Variants in AXDND1 observed in about 807,000 individuals in gnomAD.
The protein encoded by AXDND1 is axonemal dynein light chain domain containing 1, also known as axonemal dynein light chain domain-containing protein 1.
Under a neutral mutation model 137.5 loss-of-function variants are expected in AXDND1, and 110 were observed. The ratio of observed to expected loss-of-function variants is 0.80; its 90% confidence interval spans 0.69 to 0.94. The LOEUF (loss-of-function observed/expected upper bound fraction) is 0.94. Ranked by LOEUF, AXDND1 falls within the 40% of genes least tolerant of loss-of-function variation. The pLI, the probability that AXDND1 is intolerant of heterozygous loss-of-function variation, is 0.00. For synonymous variants in AXDND1, 414 were observed against 399.7 expected (o/e 1.04, Z -0.43); for missense variants, 1,191 against 1,169.8 (o/e 1.02, Z -0.26).
chr1:179,477,070 T>C (rs919902370), intron 17 of AXDND1, among the ~76,000 whole-genome samples: 1 of 152,180 alleles, frequency 6.6e-6, no homozygotes, highest in African/African-American at 2.4e-5. Flanking sequence ...CTTCCATATA[T>C]TTATCTTCAA....
chr1:179,390,750 C>CTT (rs35768244), intron 9 of AXDND1, among the ~76,000 whole-genome samples: 40,607 of 150,280 alleles, frequency 0.27, 5,677 homozygotes, highest in Non-Finnish European at 0.31. Context: ...GCCTAGATTC[C>CTT]TTTTTTTTTC....
At chr1:179,482,321 G>A (rs1344545686) in intron 17 of AXDND1, among the ~76,000 whole-genome samples, 1 of 151,812 alleles carries the variant, frequency 6.6e-6, no homozygotes, top group East Asian at 1.9e-4. Context: ...AGACAATCAG[G>A]GACCCATGAT....
chr1:179,464,613 G>A (rs146656045), intron 16 of AXDND1, among the ~76,000 whole-genome samples: 9,556 of 152,060 alleles, frequency 0.063, 360 homozygotes, highest in African/African-American at 0.071. Flanking sequence ...TCTTCTCGAG[G>A]AGTATCTTTG....
chr1:179,551,156 A>G (rs1010653346), intron 25 of AXDND1: 19 of 1,613,504 alleles, frequency 1.2e-5, no homozygotes, highest in African/African-American at 6.7e-5. Flanking sequence ...TTACAGTCAC[A>G]TTATGCCCCA....
chr1:179,374,724 G>A (rs962239864), intron 4 of AXDND1, among the ~76,000 whole-genome samples: 2 of 150,578 alleles, frequency 1.3e-5, no homozygotes, highest in African/African-American at 2.4e-5. Flanking sequence ...CTATCACAAG[G>A]ACAGAAAACC....
At chr1:179,439,067 G>A (rs889048037) in intron 15 of AXDND1, among the ~76,000 whole-genome samples, 2 of 152,138 alleles carry the variant, frequency 1.3e-5, no homozygotes, top group African/African-American at 4.8e-5. Flanking sequence ...TTTGTGCTAT[G>A]ATTTCTGATT....
At chr1:179,526,746 G>T (rs1670568201) in intron 22 of AXDND1, among the ~76,000 whole-genome samples, 1 of 152,148 alleles carries the variant, frequency 6.6e-6, no homozygotes, top group Non-Finnish European at 1.5e-5. Context: ...AAAGTGCTTG[G>T]TATGTAGAAG....
At chr1:179,442,088 C>T (rs924089291) in intron 15 of AXDND1, among the ~76,000 whole-genome samples, 10 of 152,114 alleles carry the variant, frequency 6.6e-5, no homozygotes, top group African/African-American at 1.4e-4. Flanking sequence ...TCAGGCCTTA[C>T]GGAACTAGGA....
intron 12 of AXDND1, among the ~76,000 whole-genome samples, chr1:179,412,232 C>T (rs1654008497): frequency 6.6e-6 from 1 of 152,100 alleles, no homozygotes; most frequent in Non-Finnish European, 1.5e-5. Context: ...TATAGTAATA[C>T]TTTAGGGAAA....
intron 17 of AXDND1, among the ~76,000 whole-genome samples, chr1:179,474,662 G>C (rs1307425927): frequency 1.3e-5 from 2 of 152,006 alleles, no homozygotes; most frequent in Admixed American, 6.5e-5. Context: ...AAATTTCTAA[G>C]TGGCAAAGCA....
intron 20 of AXDND1, among the ~76,000 whole-genome samples, chr1:179,507,578 A>G (rs980335099): frequency 6.6e-6 from 1 of 152,214 alleles, no homozygotes; most frequent in African/African-American, 2.4e-5. Context: ...AATTATATAC[A>G]AGCCTTCTCA....
chr1:179,369,512 C>CAT (rs1252203604), intron 3 of AXDND1, among the ~76,000 whole-genome samples: 1 of 152,042 alleles, frequency 6.6e-6, no homozygotes, highest in Non-Finnish European at 1.5e-5. Flanking sequence ...ATTAGCTGGG[C>CAT]ATAGTGGCAT....
intron 11 of AXDND1, among the ~76,000 whole-genome samples, chr1:179,409,079 C>T (rs564967652): frequency 6.3e-4 from 89 of 141,990 alleles, no homozygotes; most frequent in African/African-American, 1.6e-3. Context: ...ATGAATTCTT[C>T]GATTCACTAG....
intron 16 of AXDND1, among the ~76,000 whole-genome samples, chr1:179,447,256 C>T (rs1659869727): frequency 6.6e-6 from 1 of 152,232 alleles, no homozygotes; most frequent in Non-Finnish European, 1.5e-5. Flanking sequence ...TCATTCTATT[C>T]TCTATCTCCA....
chr1:179,374,829 A>T (rs1372462073), intron 4 of AXDND1, among the ~76,000 whole-genome samples: 2 of 47,970 alleles, frequency 4.2e-5, no homozygotes, highest in Non-Finnish European at 3.8e-5. Context: ...CTGTCGTGGG[A>T]TGGGGGGAGG....
At chr1:179,417,191 CTT>C (rs141201555) in intron 12 of AXDND1, among the ~76,000 whole-genome samples, 5 of 143,536 alleles carry the variant, frequency 3.5e-5, no homozygotes, top group Admixed American at 6.9e-5. Context: ...ACTATCTCCT[CTT>C]TTTTTTTTTT....
chr1:179,471,670 A>G (rs965845891), intron 17 of AXDND1, among the ~76,000 whole-genome samples: 6 of 151,582 alleles, frequency 4.0e-5, no homozygotes, highest in African/African-American at 1.5e-4. Flanking sequence ...GATTTCATTG[A>G]TTTCCTTTAG....
intron 20 of AXDND1, among the ~76,000 whole-genome samples, chr1:179,505,648 A>C (rs1266141094): frequency 2.1e-5 from 3 of 141,582 alleles, no homozygotes; most frequent in African/African-American, 8.0e-5. Context: ...ACTCCATCTC[A>C]AAAAAAAAAA....
intron 9 of AXDND1, 34 bp from the exon 10 acceptor site, chr1:179,393,869 A>T: frequency 6.6e-7 from 1 of 1,524,446 alleles, no homozygotes; most frequent in Non-Finnish European, 8.8e-7. Context: ...TTCATTTATC[A>T]GATCTAGGAG....
Sources: allele counts gnomAD v4.1 joint callset (sites outside exome capture counted in the v4.1 genomes callset), GRCh38; gene constraint gnomAD v4.1.1; transcripts MANE v1.5; gene names NCBI Gene and HGNC (gene_info 2026-07-23, HGNC 2026-07-21).